Variants in BLTP1 observed in about 807,000 individuals in gnomAD.
BLTP1 encodes fragile site-associated protein.
At chr4:122,281,120 A>G in the BLTP1 span, among the ~76,000 whole-genome samples, 9 of 152,198 alleles carry the variant, frequency 5.9e-5, no homozygotes, top group Non-Finnish European at 1.2e-4. Flanking sequence ...CACTAAGAAC[A>G]GTACCTGCCA....
At chr4:122,158,501 C>T in the BLTP1 span, among the ~76,000 whole-genome samples, 1 of 152,200 alleles carries the variant, frequency 6.6e-6, no homozygotes, top group Non-Finnish European at 1.5e-5. Context: ...GGCACAGTGG[C>T]TCACTCCTGT....
At chr4:122,331,822 T>C in the BLTP1 span, 1 of 917,452 alleles carries the variant, frequency 1.1e-6, no homozygotes, top group Non-Finnish European at 1.3e-6. Context: ...CATGAATTTC[T>C]CAGTGTCTGT....
At chr4:122,190,062 A>G in the BLTP1 span, 1 of 1,613,240 alleles carries the variant, frequency 6.2e-7, no homozygotes. Context: ...GACATCTACT[A>G]CTACATGGAT....
chr4:122,240,871 A>G, the BLTP1 span, among the ~76,000 whole-genome samples: 2 of 152,214 alleles, frequency 1.3e-5, no homozygotes, highest in Non-Finnish European at 2.9e-5. Flanking sequence ...TAGGGGTCAT[A>G]GCCAATATGA....
At chr4:122,270,923 A>G in the BLTP1 span, 2 of 1,428,728 alleles carry the variant, frequency 1.4e-6, no homozygotes, top group Non-Finnish European at 1.8e-6. Context: ...CTCATATTTT[A>G]CCTTGGAGAT....
At chr4:122,219,906 C>T in the BLTP1 span, among the ~76,000 whole-genome samples, 10 of 152,276 alleles carry the variant, frequency 6.6e-5, no homozygotes, top group African/African-American at 2.4e-4. Context: ...CTCTAGACCC[C>T]AGACCAGTTT....
At chr4:122,224,894 G>T in the BLTP1 span, 2 of 1,408,092 alleles carry the variant, frequency 1.4e-6, no homozygotes, top group Non-Finnish European at 1.8e-6. Flanking sequence ...GGTGTAATGT[G>T]TGTAGACCTA....
chr4:122,192,096 T>C, the BLTP1 span: 2 of 828,366 alleles, frequency 2.4e-6, no homozygotes, highest in Non-Finnish European at 3.6e-6. Context: ...GAACAACCCC[T>C]TTTAGGTTCT....
At chr4:122,355,774 C>T in the BLTP1 span, 8 of 1,572,764 alleles carry the variant, frequency 5.1e-6, no homozygotes, top group Non-Finnish European at 6.9e-6. Flanking sequence ...ATTTGACTCT[C>T]TCTTTATCAT....
At chr4:122,361,915 C>T in the BLTP1 span, 1 of 1,184,506 alleles carries the variant, frequency 8.4e-7, no homozygotes, top group South Asian at 1.7e-5. Flanking sequence ...AATGTACCTA[C>T]TGAAAATATT....
the BLTP1 span, among the ~76,000 whole-genome samples, chr4:122,262,178 GTGTGTGTGTA>G: frequency 3.3e-5 from 5 of 150,602 alleles, no homozygotes; most frequent in Non-Finnish European, 7.4e-5. Flanking sequence ...GTGTGTGTGT[GTGTGTGTGTA>G]TAGTAAGTTT....
the BLTP1 span, chr4:122,211,099 T>C: frequency 1.2e-6 from 2 of 1,606,034 alleles, no homozygotes; most frequent in Middle Eastern, 1.7e-4. Context: ...TATAAAGGTA[T>C]GATTCTTAAA....
the BLTP1 span, chr4:122,219,707 T>C: frequency 1.2e-5 from 7 of 585,194 alleles, no homozygotes; most frequent in African/African-American, 1.9e-5. Context: ...GTTATAAAAC[T>C]CATGTATTTT....
the BLTP1 span, chr4:122,242,846 A>G: frequency 1.9e-6 from 1 of 537,872 alleles, no homozygotes; most frequent in Non-Finnish European, 3.3e-6. Flanking sequence ...CCAATTGAAT[A>G]TATTATTTGA....
chr4:122,341,845 A>C, the BLTP1 span: 1 of 984,698 alleles, frequency 1.0e-6, no homozygotes. Context: ...AGTTTATTTT[A>C]AATGGAAACG....
the BLTP1 span, chr4:122,276,546 C>T: frequency 1.0e-6 from 1 of 985,226 alleles, no homozygotes; most frequent in African/African-American, 1.7e-5. Flanking sequence ...ATGCTGTTCA[C>T]ATCTAGAGAG....
chr4:122,346,008 T>G, the BLTP1 span: 1 of 984,760 alleles, frequency 1.0e-6, no homozygotes, highest in Non-Finnish European at 1.2e-6. Flanking sequence ...GGTGGAAGGT[T>G]CTGGTAGACA....
At chr4:122,180,329 A>C in the BLTP1 span, among the ~76,000 whole-genome samples, 1 of 152,176 alleles carries the variant, frequency 6.6e-6, no homozygotes, top group Non-Finnish European at 1.5e-5. Flanking sequence ...TTGAAGGTCA[A>C]ATTCTTACTA....
chr4:122,185,924 A>G, the BLTP1 span: 2 of 845,552 alleles, frequency 2.4e-6, no homozygotes, highest in Non-Finnish European at 3.3e-6. Context: ...TGTATCATGG[A>G]ATTCTATTTT....
Sources: gnomAD v4.1 joint callset for allele counts (sites outside exome capture counted in the v4.1 genomes callset) on GRCh38, gnomAD v4.1.1 for gene constraint, MANE v1.5 for transcripts, NCBI Gene and HGNC (gene_info 2026-07-23, HGNC 2026-07-21) for gene names.